The following SLC18A2 variants were observed in gnomAD, a reference collection of about 807,000 sequenced individuals.
SLC18A2 encodes the protein synaptic vesicular amine transporter.
In SLC18A2, 33 loss-of-function variants were observed where a neutral mutation model predicts 59.2. The observed-to-expected ratio is 0.56, with a 90% CI of 0.42 to 0.75. The LOEUF (loss-of-function observed/expected upper bound fraction) is 0.75, where lower values mean the gene tolerates loss of function less well. Among genes scored for constraint, SLC18A2 ranks in the 30% least tolerant of loss-of-function variants. The pLI is 0.00. For missense variants in SLC18A2, 569 were observed against 668.6 expected (o/e 0.85, Z 1.64); for synonymous variants, 228 against 253.5 (o/e 0.90, Z 0.95).
intron 15 of SLC18A2, 56 bp from the exon 16 acceptor site, chr10:117,277,106 C>G: frequency 9.9e-7 from 1 of 1,011,922 alleles, no homozygotes; most frequent in Non-Finnish European, 1.5e-6. Flanking sequence ...TAGGTTAAAA[C>G]CATCTTATCT....
At chr10:117,264,381 C>A (rs1184148767) in intron 10 of SLC18A2, among the ~76,000 whole-genome samples, 2 of 152,322 alleles carry the variant, frequency 1.3e-5, no homozygotes, top group East Asian at 3.9e-4. Context: ...GAGGCTGAGG[C>A]AGGTGGATCA....
At chr10:117,242,286 G>T (rs1000584640) in intron 2 of SLC18A2, among the ~76,000 whole-genome samples, 1 of 152,188 alleles carries the variant, frequency 6.6e-6, no homozygotes, top group Non-Finnish European at 1.5e-5. Context: ...AATGACTTGA[G>T]ATGGAAATAT....
intron 3 of SLC18A2, among the ~76,000 whole-genome samples, chr10:117,247,609 A>C (rs1038937654): frequency 6.6e-6 from 1 of 152,196 alleles, no homozygotes; most frequent in Non-Finnish European, 1.5e-5. Context: ...ACTGCTGGAG[A>C]CCCAGTGAGT....
chr10:117,257,926 G>A (rs1396038899), intron 10 of SLC18A2, 34 bp downstream of exon 10: 2 of 1,489,348 alleles, frequency 1.3e-6, no homozygotes, highest in Admixed American at 1.9e-5. Context: ...TGATTCAAGA[G>A]CATTTGTCCC....
At chr10:117,245,000 G>A (rs1468317706) in intron 3 of SLC18A2, among the ~76,000 whole-genome samples, 1 of 152,232 alleles carries the variant, frequency 6.6e-6, no homozygotes, top group East Asian at 1.9e-4. Context: ...AACCCACATT[G>A]TTTGGAATAA....
chr10:117,247,907 C>T (rs1258952148), intron 3 of SLC18A2, among the ~76,000 whole-genome samples: 1 of 152,208 alleles, frequency 6.6e-6, no homozygotes, highest in African/African-American at 2.4e-5. Flanking sequence ...CCTCTATTCA[C>T]AGTCGTGATG....
At chr10:117,273,102 A>G (rs541999294) in intron 15 of SLC18A2, among the ~76,000 whole-genome samples, 2 of 152,358 alleles carry the variant, frequency 1.3e-5, no homozygotes, top group East Asian at 3.9e-4. Context: ...GCTGTTTTAT[A>G]TTGTAAGATA....
At chr10:117,255,017 G>A (rs1432662905) in intron 6 of SLC18A2, among the ~76,000 whole-genome samples, 2 of 152,224 alleles carry the variant, frequency 1.3e-5, no homozygotes, top group East Asian at 3.9e-4. Flanking sequence ...AAGCAGCCCA[G>A]CCCTGGGCCT....
intron 1 of SLC18A2, 136 bp from the exon 2 acceptor site, chr10:117,241,543 C>A: frequency 1.0e-6 from 1 of 971,340 alleles, no homozygotes; most frequent in Non-Finnish European, 1.4e-6. Flanking sequence ...GGCAGGTGAG[C>A]CGAGGCTGGG....
At chr10:117,246,467 T>C (rs1017702553) in intron 3 of SLC18A2, among the ~76,000 whole-genome samples, 1 of 152,222 alleles carries the variant, frequency 6.6e-6, no homozygotes, top group African/African-American at 2.4e-5. Flanking sequence ...AGGCTCATGT[T>C]TGGGACTTCA....
In SLC18A2 at chr10:117,277,721, C is replaced by T. The variant is rs1844519877; in HGVS notation, c.*455C>T. 1 of 152,624 alleles carries T rather than the reference C, an allele frequency of 6.6e-6. No homozygotes were observed. The highest frequency in any genetic ancestry group is 1.5e-5 in the Non-Finnish European group (1 of 68,424). 9.5% of individuals were successfully genotyped at this position (152,624 alleles called of 1,614,324 possible). The stretch of plus-strand genomic sequence containing the variant: ...GTCTGAAAAACAGAATCAAGTAAGA[C>T]AGCATGTTATATAGTGACACTGAAT... On this transcript the variant is annotated 3_prime_UTR_variant, in exon 16 of 16. Transcript: ENST00000644641.
chr10:117,277,154 T>C lies in SLC18A2; in HGVS notation c.1441-8T>C, dbSNP rs761512002. On this transcript the variant is annotated splice_polypyrimidine_tract_variant and splice_region_variant and intron_variant, in intron 15 of 15. Coordinates refer to ENST00000644641, the MANE Select transcript of SLC18A2 (RefSeq NM_003054.6). ...AAGTTAATATACTTGCACTTTGCTC[T>C]CTTTTAGGCTATTCTCATGGATCAC... 1.1e-5 allele frequency: 16 copies of C among 1,499,552 alleles called. 1 individual carries two copies. In the South Asian group the frequency reaches 1.9e-4, roughly 18 times the overall value. 92.9% of individuals were successfully genotyped at this position (1,499,552 alleles called of 1,614,324 possible).
At chr10:117,265,827 C>T (rs990144824) in intron 10 of SLC18A2, among the ~76,000 whole-genome samples, 7 of 152,276 alleles carry the variant, frequency 4.6e-5, no homozygotes, top group African/African-American at 9.6e-5. Flanking sequence ...TGGTGGCTCA[C>T]GCCTGTAATC....
intron 6 of SLC18A2, among the ~76,000 whole-genome samples, chr10:117,254,929 C>T (rs1230679156): frequency 6.6e-6 from 1 of 152,248 alleles, no homozygotes; most frequent in African/African-American, 2.4e-5. Context: ...TTCCCGCCTG[C>T]TTCCAGGAGC....
chr10:117,241,551 G>C (rs1353667650), intron 1 of SLC18A2, 128 bp from the exon 2 acceptor site: 3 of 1,044,296 alleles, frequency 2.9e-6, no homozygotes, highest in Non-Finnish European at 3.9e-6. Context: ...AGCCGAGGCT[G>C]GGGCGCCCGG....
chr10:117,254,211 G>T (rs1844200049), intron 5 of SLC18A2, 80 bp downstream of exon 5: 2 of 1,430,994 alleles, frequency 1.4e-6, no homozygotes, highest in Non-Finnish European at 2.0e-6. Flanking sequence ...TTCAGGTATT[G>T]GTGGTGGTTG....
At chr10:117,259,837 T>G (rs2133737399) in intron 10 of SLC18A2, among the ~76,000 whole-genome samples, 1 of 152,322 alleles carries the variant, frequency 6.6e-6, no homozygotes, top group Admixed American at 6.5e-5. Context: ...AACACTTGCT[T>G]AATCAGCCCT....
intron 13 of SLC18A2, 185 bp downstream of exon 13, chr10:117,267,921 G>A (rs188754632): frequency 1.8e-4 from 86 of 472,768 alleles, no homozygotes; most frequent in Non-Finnish European, 3.0e-4. Flanking sequence ...CTATGCACTA[G>A]TCATTTATTT....
rs1461641191 is a variant in SLC18A2, at chr10:117,255,586, T to C, written c.835-11T>C. On this transcript the variant is annotated splice_polypyrimidine_tract_variant and intron_variant, in intron 8 of 15. Coordinates refer to ENST00000644641, the MANE Select transcript of SLC18A2 (RefSeq NM_003054.6). The stretch of plus-strand genomic sequence containing the variant: ...TGGTGCTGCTTCTGACCCGTGTTTT[T>C]TTCTTGACAGAGTCAGAAGGGGACA... 8 of 1,613,952 alleles carry C rather than the reference T, an allele frequency of 5.0e-6. No individual in the cohort carries two copies. Among genetic ancestry groups the C allele is most frequent in the African/African-American group, 4.0e-5 (3 of 74,902 alleles).
Sources: allele counts gnomAD v4.1 joint callset (sites outside exome capture counted in the v4.1 genomes callset), GRCh38; gene constraint gnomAD v4.1.1; transcripts MANE v1.5; gene names NCBI Gene and HGNC (gene_info 2026-07-23, HGNC 2026-07-21).